The following CACNA1B variants were observed in gnomAD, a reference collection of about 807,000 sequenced individuals.
The protein encoded by CACNA1B is voltage-dependent N-type calcium channel subunit alpha-1B.
CACNA1B carries 70 observed loss-of-function variants against 247.2 expected under a neutral mutation model. The ratio of observed to expected loss-of-function variants is 0.28; its 90% CI spans 0.23 to 0.35. The LOEUF (loss-of-function observed/expected upper bound fraction) is 0.35. Among genes scored for constraint, CACNA1B ranks in the 10% least tolerant of loss-of-function variants. CACNA1B has a pLI of 1.00. For missense variants in CACNA1B, 2,367 were observed against 3,197.4 expected, an observed-to-expected ratio of 0.74 and a Z score of 6.26; for synonymous variants, 1,231 against 1,294.4, an observed-to-expected ratio of 0.95 and a Z score of 1.05.
At chr9:138,063,036 A>G (rs1221214475) in intron 31 of CACNA1B, among the ~76,000 whole-genome samples, 2 of 152,266 alleles carry the variant, frequency 1.3e-5, no homozygotes, top group Non-Finnish European at 2.9e-5. Context: ...TGGAAGGTCC[A>G]TGAATCCTTG....
At chr9:137,918,738 G>A (rs919289080) in intron 6 of CACNA1B, among the ~76,000 whole-genome samples, 3 of 152,196 alleles carry the variant, frequency 2.0e-5, no homozygotes, top group African/African-American at 7.2e-5. Context: ...CATTCAGCAG[G>A]CATTTGCTAA....
chr9:137,886,611 TC>T (rs538635675), intron 3 of CACNA1B, among the ~76,000 whole-genome samples: 2,197 of 151,198 alleles, frequency 0.015, 27 homozygotes, highest in Non-Finnish European at 0.022. Context: ...ACAAGACACC[TC>T]CCGGGCCTGG....
chr9:137,895,613 G>A (rs994333387), intron 3 of CACNA1B, among the ~76,000 whole-genome samples: 1 of 152,044 alleles, frequency 6.6e-6, no homozygotes, highest in African/African-American at 2.4e-5. Flanking sequence ...GATTATAGAT[G>A]GTATTGCATT....
chr9:137,906,619 G>A (rs1957302437), intron 3 of CACNA1B, among the ~76,000 whole-genome samples: 1 of 148,760 alleles, frequency 6.7e-6, no homozygotes, highest in Non-Finnish European at 1.5e-5. Flanking sequence ...TAACATACAT[G>A]TTCCCCTGTA....
At chr9:137,953,229 A>G (rs1322760538) in intron 7 of CACNA1B, among the ~76,000 whole-genome samples, 1 of 152,188 alleles carries the variant, frequency 6.6e-6, no homozygotes, top group African/African-American at 2.4e-5. Context: ...GAGTTGTGCT[A>G]GGAAGGAGGT....
intron 19 of CACNA1B, among the ~76,000 whole-genome samples, chr9:138,024,717 T>G (rs757612477): frequency 1.3e-5 from 2 of 152,114 alleles, no homozygotes; most frequent in Non-Finnish European, 2.9e-5. Flanking sequence ...CAGCCTCAAC[T>G]TCCCGGGCTG....
At chr9:138,107,221 T>A (rs571499717) in intron 39 of CACNA1B, among the ~76,000 whole-genome samples, 955 of 86,078 alleles carry the variant, frequency 0.011, 15 homozygotes, top group African/African-American at 0.048. Context: ...CATCTTATTT[T>A]ATTTATTTAT....
At chr9:137,995,580 T>C (rs1958489074) in intron 15 of CACNA1B, among the ~76,000 whole-genome samples, 1 of 152,128 alleles carries the variant, frequency 6.6e-6, no homozygotes, top group Non-Finnish European at 1.5e-5. Context: ...ATAACAATTA[T>C]AAAGATAACA....
At chr9:138,048,582 G>C (rs1959203960) in intron 23 of CACNA1B, among the ~76,000 whole-genome samples, 1 of 152,192 alleles carries the variant, frequency 6.6e-6, no homozygotes, top group Non-Finnish European at 1.5e-5. Context: ...GTGTCTCTAA[G>C]GTGCACTGAT....
rs147487902 is a variant in CACNA1B, at chr9:137,956,185, C to T, written c.1186+372C>T. ...CACATGGGGCATCCACTCACACCTC[C>T]TAAGGTTTCCCAAGTGCCTCTTCAG... On this transcript the variant is annotated intron_variant, in intron 8 of 46. Transcript: ENST00000371372. 4.9e-3 allele frequency among the ~76,000 whole-genome samples: 749 copies of T among 152,304 alleles called. 6 individuals carry two copies. Among genetic ancestry groups the T allele is most frequent in the African/African-American group, 0.017 (697 of 41,570 alleles).
At chr9:137,944,649 C>G (rs1461115796) in intron 6 of CACNA1B, among the ~76,000 whole-genome samples, 3 of 152,178 alleles carry the variant, frequency 2.0e-5, no homozygotes, top group Non-Finnish European at 2.9e-5. Context: ...AGTTTGGGAC[C>G]CATCTCCAAA....
At chr9:138,023,854 C>CG in intron 19 of CACNA1B, 43 bp downstream of exon 19, 1 of 960,962 alleles carries the variant, frequency 1.0e-6, no homozygotes, top group South Asian at 1.4e-5. Context: ...AAGGGTTGGC[C>CG]GGGGCGGCGC....
At chr9:138,024,392 CA>C (rs1464751916) in intron 19 of CACNA1B, among the ~76,000 whole-genome samples, 1 of 152,196 alleles carries the variant, frequency 6.6e-6, no homozygotes, top group Non-Finnish European at 1.5e-5. Context: ...CCACTGGCCA[CA>C]AACCAACCAG....
At chr9:137,908,861 G>T (rs1957327780) in intron 3 of CACNA1B, among the ~76,000 whole-genome samples, 1 of 151,922 alleles carries the variant, frequency 6.6e-6, no homozygotes, top group African/African-American at 2.4e-5. Context: ...TCGATCTCCT[G>T]ACCTCGTGAT....
At chr9:137,898,565 G>A (rs1238111813) in intron 3 of CACNA1B, among the ~76,000 whole-genome samples, 4 of 151,994 alleles carry the variant, frequency 2.6e-5, no homozygotes, top group Admixed American at 1.3e-4. Context: ...GAGTGCAGTA[G>A]CATGATCATG....
intron 20 of CACNA1B, among the ~76,000 whole-genome samples, chr9:138,040,377 G>C (rs544649043): frequency 8.6e-5 from 13 of 151,878 alleles, no homozygotes; most frequent in African/African-American, 2.7e-4. Flanking sequence ...TATTGCTTGA[G>C]TTCATATATG....
Position 138,052,260 on chromosome 9 carries a change from G to GTGTGTGTGTGTA in CACNA1B, c.3807+75_3807+76insGTGTGTGTATGT. ...CGTGTGTGTGTGTGCGTGTGTGTGT[G>GTGTGTGTGTGTA]TGTATGCATGCAGTGCATGAGTGTG... On this transcript the variant is annotated intron_variant, in intron 25 of 46. Coordinates refer to ENST00000371372, the MANE Select transcript of CACNA1B (RefSeq NM_000718.4). This position sits in a 1 kb window ranked among gnomAD's most constrained non-coding sequence, Gnocchi z 5.1. 3 of 815,910 alleles carry GTGTGTGTGTGTA rather than the reference G, an allele frequency of 3.7e-6. No homozygotes were observed. Among genetic ancestry groups the GTGTGTGTGTGTA allele is most frequent in the Non-Finnish European group, 4.1e-6 (2 of 486,926 alleles). 50.5% of individuals were successfully genotyped at this position (815,910 alleles called of 1,614,324 possible).
In CACNA1B at chr9:138,120,452, T is replaced by G. The variant is rs1174061827; in HGVS notation, c.6238+80T>G. On this transcript the variant is annotated intron_variant, in intron 45 of 46. Transcript: ENST00000371372. The stretch of plus-strand genomic sequence containing the variant: ...GGTCCAAGCGGCCCATGGGGGACCC[T>G]CTTCCTTTGTGGGCCTCGTGACCCC... The G allele has an allele frequency of 3.5e-6, 5 of 1,437,288 alleles. No homozygotes were observed. In the East Asian group the frequency reaches 1.0e-4, roughly 29 times the overall value. The allele number at this position is 1,437,288 out of a possible 1,614,324, so 89.0% of individuals were successfully genotyped here. A position where few individuals can be genotyped will look rare whatever the true frequency, so the allele number is the denominator to read the frequency against.
chr9:138,099,946 G>T (rs72769098), intron 37 of CACNA1B, among the ~76,000 whole-genome samples: 3 of 152,390 alleles, frequency 2.0e-5, no homozygotes, highest in Non-Finnish European at 4.4e-5. Flanking sequence ...CTGGGCATCT[G>T]CCATGTGCTG....
Sources: gnomAD v4.1 joint callset for allele counts (sites outside exome capture counted in the v4.1 genomes callset) on GRCh38, gnomAD v4.1.1 for gene constraint, Gnocchi (gnomAD v3.1) non-coding constraint, MANE v1.5 for transcripts, NCBI Gene and HGNC (gene_info 2026-07-23, HGNC 2026-07-21) for gene names.